The following CYTL1 variants were observed in gnomAD, a reference collection of about 807,000 sequenced individuals.
CYTL1 encodes cytokine like 1, also known as cytokine-like protein 1.
CYTL1 carries 17 observed loss-of-function variants against 13.1 expected under a neutral mutation model. The ratio of observed to expected loss-of-function variants is 1.29; its 90% confidence interval spans 0.89 to 1.94. The LOEUF (loss-of-function observed/expected upper bound fraction) is 1.94. Among genes scored for constraint, CYTL1 ranks in the 30% most tolerant of loss-of-function variants. The probability of loss-of-function intolerance (pLI) is 0.00; values close to 1 mark genes in which losing one functional copy is unlikely to be tolerated. For missense variants in CYTL1, 213 were observed against 174.8 expected (o/e 1.22, Z -1.23); for synonymous variants, 91 against 79.4 (o/e 1.15, Z -0.78).
In CYTL1 at chr4:5,015,140, T is replaced by G. The variant is rs1329362844; in HGVS notation, c.*11A>C. On this transcript the variant is annotated 3_prime_UTR_variant, in exon 4 of 4. Coordinates refer to ENST00000307746, the MANE Select transcript of CYTL1 (RefSeq NM_018659.3). ...TAGTTCTCTTGGGTTCTTTCTCTGGTCTCAGTTCCCTTAGCGCTGACGATC... is the reference window on the plus strand; with the variant it reads ...TAGTTCTCTTGGGTTCTTTCTCTGGGCTCAGTTCCCTTAGCGCTGACGATC... 6.2e-7 allele frequency: 1 copy of G among 1,612,238 alleles called. No homozygotes were observed. The highest frequency in any genetic ancestry group is 8.5e-7 in the Non-Finnish European group (1 of 1,178,724).
At chr4:5,015,278 C>T in intron 3 of CYTL1, 44 bp from the exon 4 acceptor site, 1 of 1,498,644 alleles carries the variant, frequency 6.7e-7, no homozygotes, top group South Asian at 1.2e-5. Flanking sequence ...TGAAGGTGGT[C>T]ACGGAGTCCA....
chr4:5,017,323 T>A, intron 1 of CYTL1, 144 bp from the exon 2 acceptor site: 1 of 666,192 alleles, frequency 1.5e-6, no homozygotes, highest in Non-Finnish European at 2.5e-6. Flanking sequence ...TACTTTCTTG[T>A]GTCATACGTC....
chr4:5,017,923 G>A (rs184048157), intron 1 of CYTL1, among the ~76,000 whole-genome samples: 171 of 152,296 alleles, frequency 1.1e-3, no homozygotes, highest in African/African-American at 3.8e-3. Context: ...ATGGGCAAGT[G>A]CCTTCCTTCA....
intron 1 of CYTL1, 74 bp downstream of exon 1, chr4:5,019,219 T>C: frequency 8.0e-7 from 1 of 1,242,760 alleles, no homozygotes; most frequent in Non-Finnish European, 1.0e-6. Context: ...CTCTCTTTTT[T>C]TTTTCGTGTA....
At chr4:5,017,801 G>A (rs557453761) in intron 1 of CYTL1, among the ~76,000 whole-genome samples, 16 of 152,054 alleles carry the variant, frequency 1.1e-4, no homozygotes, top group African/African-American at 2.4e-4. Context: ...TAGTAATATC[G>A]AAGTGCATAA....
intron 3 of CYTL1, among the ~76,000 whole-genome samples, chr4:5,015,564 C>T (rs1741055521): frequency 6.6e-6 from 1 of 152,130 alleles, no homozygotes; most frequent in African/African-American, 2.4e-5. Flanking sequence ...CACCCTGGGT[C>T]AGGCATTGGA....
At position 5,015,245 on chromosome 4, in the gene CYTL1, T is replaced by A; in HGVS notation, c.328-11A>T. ...CAGGAATACCAAATCCTGAAAAAGA[T>A]GTGCAATGAGCAGGAAAGTTACTGA... is the stretch of plus-strand genomic sequence containing the variant. On this transcript the variant is annotated splice_polypyrimidine_tract_variant and intron_variant, in intron 3 of 3. Transcript: ENST00000307746. 1 of 1,608,944 alleles carries A rather than the reference T, an allele frequency of 6.2e-7. No individual in the cohort carries two copies. Among genetic ancestry groups the A allele is most frequent in the Non-Finnish European group, 8.5e-7 (1 of 1,176,624 alleles).
At chr4:5,017,046 C>G in intron 2 of CYTL1, 82 bp from the exon 3 acceptor site, 1 of 1,607,160 alleles carries the variant, frequency 6.2e-7, no homozygotes, top group South Asian at 1.1e-5. Context: ...AAGATCTCTC[C>G]CTGACTCTGT....
At chr4:5,017,698 T>C (rs1314458442) in intron 1 of CYTL1, among the ~76,000 whole-genome samples, 3 of 151,712 alleles carry the variant, frequency 2.0e-5, no homozygotes, top group Admixed American at 6.6e-5. Flanking sequence ...TTATAGACAT[T>C]ATATATACTT....
chr4:5,015,998 G>T (rs187188266), intron 3 of CYTL1, among the ~76,000 whole-genome samples: 392 of 152,346 alleles, frequency 2.6e-3, no homozygotes, highest in Non-Finnish European at 4.4e-3. Context: ...AAGTTTATGT[G>T]TTGGAAACTT....
chr4:5,018,264 A>C (rs1741122498), intron 1 of CYTL1, among the ~76,000 whole-genome samples: 1 of 152,238 alleles, frequency 6.6e-6, no homozygotes, highest in Admixed American at 6.5e-5. Flanking sequence ...GAAAGCTGAA[A>C]TATGATCCTC....
At chr4:5,017,252 C>T (rs1741095486) in intron 1 of CYTL1, 73 bp from the exon 2 acceptor site, 3 of 1,469,916 alleles carry the variant, frequency 2.0e-6, no homozygotes, top group South Asian at 1.2e-5. Flanking sequence ...CCTAGTGGCC[C>T]TCTCAACAGC....
At chr4:5,016,798 A>G in intron 3 of CYTL1, 38 bp downstream of exon 3, 1 of 1,612,068 alleles carries the variant, frequency 6.2e-7, no homozygotes, top group South Asian at 1.1e-5. Flanking sequence ...CTTGGCTGAT[A>G]GCAAGTAGAA....
At chr4:5,018,355 A>G (rs1406181802) in intron 1 of CYTL1, among the ~76,000 whole-genome samples, 1 of 152,174 alleles carries the variant, frequency 6.6e-6, no homozygotes, top group Non-Finnish European at 1.5e-5. Context: ...TTATTTTCCA[A>G]CTGTTCTACA....
rs150910491 is a variant in CYTL1 at position 5,016,868 on chromosome 4, G to A, written c.295C>T (p.Leu99=). 6.0e-5 allele frequency: 97 copies of A among 1,614,118 alleles called. No individual in the cohort carries two copies. Among genetic ancestry groups the A allele is most frequent in the Non-Finnish European group, 2.6e-5 (31 of 1,180,052 alleles). The change falls in exon 3 of 4, where the codon CTG becomes TTG. Residue 99 remains leucine (L), a synonymous_variant. Coordinates refer to ENST00000307746, the MANE Select transcript of CYTL1 (RefSeq NM_018659.3). ...VDSLKDKARK[L]YTIMNSFCRR... Reference sequence around the variant, plus strand: ...CAGAACGAGTTCATGATGGTGTACAGCTTCCGTGCTTTGTCCTTCAAGGAA... The same window carrying A: ...CAGAACGAGTTCATGATGGTGTACAACTTCCGTGCTTTGTCCTTCAAGGAA...
chr4:5,019,143 G>T, intron 1 of CYTL1, 150 bp downstream of exon 1: 1 of 655,792 alleles, frequency 1.5e-6, no homozygotes, highest in South Asian at 7.4e-5. Flanking sequence ...AAAAGGAGAT[G>T]AATAAAACAC....
chr4:5,016,743 G>C, intron 3 of CYTL1, 93 bp downstream of exon 3: 1 of 1,479,734 alleles, frequency 6.8e-7, no homozygotes, highest in Non-Finnish European at 9.3e-7. Flanking sequence ...CCTCTTCCTT[G>C]TCACCATCTC....
At chr4:5,017,279 C>G (rs918147022) in intron 1 of CYTL1, 100 bp from the exon 2 acceptor site, 7 of 1,114,880 alleles carry the variant, frequency 6.3e-6, no homozygotes, top group African/African-American at 3.1e-5. Flanking sequence ...AGCCCAGATC[C>G]CTGGGGCCCT....
In CYTL1 at chr4:5,015,024, G is replaced by T; in HGVS notation, c.*127C>A. ...TACCAGCCCTGTTTTCCAGAAGGTA[G>T]AGAGATACATAACAGTTTCAGATAC... On this transcript the variant is annotated 3_prime_UTR_variant, in exon 4 of 4. Transcript: ENST00000307746. The T allele has an allele frequency of 1.2e-6, 1 of 808,470 alleles. No homozygotes were observed. Among genetic ancestry groups the T allele is most frequent in the Non-Finnish European group, 2.1e-6 (1 of 477,090 alleles). The allele number at this position is 808,470 out of a possible 1,614,324, so 50.1% of individuals were successfully genotyped here.
Sources: allele counts gnomAD v4.1 joint callset (sites outside exome capture counted in the v4.1 genomes callset), GRCh38; gene constraint gnomAD v4.1.1; transcripts MANE v1.5; gene names NCBI Gene and HGNC (gene_info 2026-07-23, HGNC 2026-07-21).